CDH12: variants seen among roughly 807,000 people sequenced by gnomAD.
The protein encoded by CDH12 is cadherin-12.
In CDH12, 41 loss-of-function variants were observed where a neutral mutation model predicts 74.1. That is an observed-to-expected ratio of 0.55 (90% CI 0.43 to 0.72). The LOEUF (loss-of-function observed/expected upper bound fraction) is 0.72. Ranked by LOEUF, CDH12 falls within the 30% of genes least tolerant of loss-of-function variation. The pLI is 0.00. For missense variants in CDH12, 945 were observed against 977.2 expected (o/e 0.97, Z 0.44); for synonymous variants, 399 against 355.0 (o/e 1.12, Z -1.39).
At chr5:22,152,599 T>C (rs946221928) in intron 4 of CDH12, among the ~76,000 whole-genome samples, 6 of 152,350 alleles carry the variant, frequency 3.9e-5, no homozygotes, top group African/African-American at 2.4e-5. Flanking sequence ...TTAACATAGG[T>C]ATTGGCTCAC....
chr5:22,821,315 A>G (rs1218414321), intron 1 of CDH12, among the ~76,000 whole-genome samples: 1 of 152,196 alleles, frequency 6.6e-6, no homozygotes, highest in Non-Finnish European at 1.5e-5. Flanking sequence ...TTCCCTTTGA[A>G]AACCGGCACA....
intron 3 of CDH12, among the ~76,000 whole-genome samples, chr5:22,381,247 T>C (rs1741747436): frequency 6.6e-6 from 1 of 152,042 alleles, no homozygotes; most frequent in Non-Finnish European, 1.5e-5. Context: ...GAAAATATTA[T>C]ACACATCTCC....
In CDH12 at chr5:21,980,174, A is replaced by G. The variant is rs144104967; in HGVS notation, c.232-4789T>C. ...AAAAAAAAAAAACATACATACATAT[A>G]TGTATGGCATATATATATATATATG... On this transcript the variant is annotated intron_variant, in intron 5 of 14. Coordinates refer to ENST00000382254, the MANE Select transcript of CDH12 (RefSeq NM_004061.5). 4.3e-3 allele frequency among the ~76,000 whole-genome samples: 645 copies of G among 150,468 alleles called. 6 individuals are homozygous for G. The highest frequency in any genetic ancestry group is 0.015 in the African/African-American group (614 of 40,068).
intron 2 of CDH12, among the ~76,000 whole-genome samples, chr5:22,456,242 ATATGTGTGTG>A (rs1561417858): frequency 1.2e-5 from 1 of 85,110 alleles, no homozygotes; most frequent in African/African-American, 4.3e-5. Flanking sequence ...TTGTCTATAT[ATATGTGTGTG>A]TGTGTGTGTG....
At chr5:22,387,997 G>C (rs1385478453) in intron 3 of CDH12, among the ~76,000 whole-genome samples, 1 of 152,056 alleles carries the variant, frequency 6.6e-6, no homozygotes, top group Non-Finnish European at 1.5e-5. Context: ...GTTTCAAATA[G>C]GGCTGTTGTA....
At chr5:21,854,229 T>C (rs1750632601) in intron 7 of CDH12, among the ~76,000 whole-genome samples, 1 of 151,672 alleles carries the variant, frequency 6.6e-6, no homozygotes, top group Non-Finnish European at 1.5e-5. Context: ...ACTATAAGCA[T>C]AAGTCTCTAT....
At chr5:22,165,497 CACAT>C (rs1180644723) in intron 4 of CDH12, among the ~76,000 whole-genome samples, 1 of 50,824 alleles carries the variant, frequency 2.0e-5, no homozygotes, top group African/African-American at 6.9e-5. Flanking sequence ...CATACACATA[CACAT>C]ACACACACAC....
intron 1 of CDH12, among the ~76,000 whole-genome samples, chr5:22,544,331 T>C (rs935576521): frequency 2.0e-5 from 3 of 152,152 alleles, no homozygotes; most frequent in African/African-American, 7.2e-5. Flanking sequence ...GATAGATTAG[T>C]TCCATATATA....
At chr5:22,699,538 A>G (rs1478441594) in intron 1 of CDH12, among the ~76,000 whole-genome samples, 1 of 152,188 alleles carries the variant, frequency 6.6e-6, no homozygotes, top group Non-Finnish European at 1.5e-5. Context: ...GTTGTATTGT[A>G]AGCAGTGCCT....
chr5:22,809,134 T>G (rs1044112143), intron 1 of CDH12, among the ~76,000 whole-genome samples: 1 of 152,032 alleles, frequency 6.6e-6, no homozygotes, highest in African/African-American at 2.4e-5. Flanking sequence ...AGCCTACAGT[T>G]ACATCATTTG....
intron 1 of CDH12, among the ~76,000 whole-genome samples, chr5:22,589,666 TCACGTGATTCTCC>T (rs1163703081): frequency 6.6e-6 from 1 of 152,180 alleles, no homozygotes; most frequent in Non-Finnish European, 1.5e-5. Flanking sequence ...AACATCCCAC[TCACGTGATTCTCC>T]TCCTTCACTG....
At chr5:21,787,075 A>G (rs1746235849) in intron 10 of CDH12, among the ~76,000 whole-genome samples, 1 of 152,184 alleles carries the variant, frequency 6.6e-6, no homozygotes, top group South Asian at 2.1e-4. Context: ...AGATGCTATG[A>G]ATATTGTTGA....
At chr5:22,470,987 A>T (rs1203807880) in intron 2 of CDH12, among the ~76,000 whole-genome samples, 1 of 152,140 alleles carries the variant, frequency 6.6e-6, no homozygotes, top group African/African-American at 2.4e-5. Flanking sequence ...CATGTCCAAG[A>T]AGTGGACCCT....
intron 3 of CDH12, among the ~76,000 whole-genome samples, chr5:22,402,050 T>C (rs1022807506): frequency 1.3e-5 from 2 of 152,210 alleles, no homozygotes; most frequent in Non-Finnish European, 2.9e-5. Context: ...TTTGTTGTTT[T>C]AAATCACCCA....
chr5:22,430,364 G>A (rs1744117957), intron 2 of CDH12, among the ~76,000 whole-genome samples: 1 of 151,744 alleles, frequency 6.6e-6, no homozygotes, highest in South Asian at 2.1e-4. Flanking sequence ...GAAGGAAACT[G>A]GTGGCTACAT....
At chr5:22,667,767 G>C (rs879315197) in intron 1 of CDH12, among the ~76,000 whole-genome samples, 3 of 152,198 alleles carry the variant, frequency 2.0e-5, no homozygotes, top group Non-Finnish European at 2.9e-5. Flanking sequence ...TTGCTCTGAA[G>C]ATTTGAAGTA....
At position 22,225,963 on chromosome 5, in the gene CDH12, T is replaced by C. The variant is rs552448387; in HGVS notation, c.-332-13320A>G. ...AAACTAAACATCTGGGGATCAGGAG[T>C]ATAACATGAAACAGAATATGGAATA... On this transcript the variant is annotated intron_variant, in intron 3 of 14. Transcript: ENST00000382254. Among the ~76,000 whole-genome samples the C allele has an allele frequency of 2.1e-3, 315 of 151,230 alleles. 8 individuals are homozygous for C. Among genetic ancestry groups the C allele is most frequent in the Non-Finnish European group, 4.1e-4 (28 of 67,806 alleles).
intron 1 of CDH12, among the ~76,000 whole-genome samples, chr5:22,507,710 T>C (rs1736442353): frequency 6.6e-6 from 1 of 152,234 alleles, no homozygotes; most frequent in Admixed American, 6.5e-5. Context: ...CTGTATCAGT[T>C]TCCTGTGGCT....
intron 4 of CDH12, among the ~76,000 whole-genome samples, chr5:22,174,507 A>C (rs1017336611): frequency 2.6e-5 from 4 of 151,978 alleles, no homozygotes; most frequent in African/African-American, 9.7e-5. Flanking sequence ...ACTAAACTGC[A>C]AGCCTAGAAT....
Sources: gnomAD v4.1 joint callset for allele counts (sites outside exome capture counted in the v4.1 genomes callset) on GRCh38, gnomAD v4.1.1 for gene constraint, MANE v1.5 for transcripts, NCBI Gene and HGNC (gene_info 2026-07-23, HGNC 2026-07-21) for gene names.